The following RBFOX1 variants were observed in gnomAD, a reference collection of about 807,000 sequenced individuals.
RBFOX1 encodes RNA binding protein fox-1 homolog 1.
A neutral mutation model predicts 57.7 loss-of-function variants in RBFOX1; 8 were observed. That is an observed-to-expected ratio of 0.14 (90% CI 0.08 to 0.25). RBFOX1 has a LOEUF of 0.25. Among genes scored for constraint, RBFOX1 ranks in the 10% least tolerant of loss-of-function variants. The probability of loss-of-function intolerance (pLI) is 1.00; values close to 1 mark genes in which losing one functional copy is unlikely to be tolerated. For synonymous variants in RBFOX1, 326 were observed against 222.4 expected, an observed-to-expected ratio of 1.47 and a Z score of -4.15; for missense variants, 611 against 548.5, an observed-to-expected ratio of 1.11 and a Z score of -1.14.
chr16:7,564,540 CAAAAAAAAA>C (rs5815409), intron 5 of RBFOX1, among the ~76,000 whole-genome samples: 98 of 82,506 alleles, frequency 1.2e-3, no homozygotes, highest in African/African-American at 3.4e-3. Flanking sequence ...GACTCCATCT[CAAAAAAAAA>C]AAAAAAAAAA....
At chr16:6,645,737 T>C (rs942154808) in intron 2 of RBFOX1, among the ~76,000 whole-genome samples, 1 of 152,196 alleles carries the variant, frequency 6.6e-6, no homozygotes, top group Non-Finnish European at 1.5e-5. Context: ...TGTTGGAAGA[T>C]GTCATCAAGG....
chr16:6,957,116 T>TTTTTTTTATTTATTTATTTATTTA lies in RBFOX1; in HGVS notation c.-15-94938_-15-94937insTTTTATTTATTTATTTATTTATTT, dbSNP rs574831673. On this transcript the variant is annotated intron_variant, in intron 3 of 15. Transcript: ENST00000550418. Reference sequence around the variant, plus strand: ...ATTTATTTTATTTTTTTATTTTTATTTTTATTTATTTATTTATTTATTTAT... The same window carrying TTTTTTTTATTTATTTATTTATTTA: ...ATTTATTTTATTTTTTTATTTTTATTTTTTTTTATTTATTTATTTATTTATTTATTTATTTATTTATTTATTTAT... Among the ~76,000 whole-genome samples the TTTTTTTTATTTATTTATTTATTTA allele has an allele frequency of 2.3e-4, 32 of 139,240 alleles. 1 individual carries two copies. The highest frequency in any genetic ancestry group is 2.3e-4 in the Non-Finnish European group (15 of 65,432). The allele number at this position is 139,240 out of a possible 152,430, so 91.3% of individuals were successfully genotyped here. A position where few individuals can be genotyped will look rare whatever the true frequency, so the allele number is the denominator to read the frequency against.
intron 6 of RBFOX1, among the ~76,000 whole-genome samples, chr16:7,586,199 C>T (rs2152886295): frequency 6.6e-6 from 1 of 152,276 alleles, no homozygotes; most frequent in South Asian, 2.1e-4. Context: ...GGCCACAGTA[C>T]ATGATTTTAC....
At chr16:6,042,450 T>C (rs979304665) in intron 1 of RBFOX1, among the ~76,000 whole-genome samples, 2 of 152,148 alleles carry the variant, frequency 1.3e-5, no homozygotes, top group African/African-American at 4.8e-5. Flanking sequence ...CCTATCCAGA[T>C]AGTTCGGAAT....
chr16:5,672,032 C>A, intron 3 of RBFOX1, among the ~76,000 whole-genome samples: 1 of 152,062 alleles, frequency 6.6e-6, no homozygotes, highest in East Asian at 1.9e-4. Flanking sequence ...AGATTTGCAT[C>A]TTTGAGAATT....
In RBFOX1 at chr16:7,173,646, A is replaced by G. The variant is rs181868317; in HGVS notation, c.27+121548A>G. Among the ~76,000 whole-genome samples the G allele has an allele frequency of 7.1e-4, 108 of 152,280 alleles. 1 individual carries two copies. The highest frequency in any genetic ancestry group is 2.3e-3 in the African/African-American group (94 of 41,578). Reference sequence around the variant, plus strand: ...GGGAAAGAGCAGTAAAGATATTAGGAGGTGGTAATTAAGACTGAGAATGGC... The same window carrying G: ...GGGAAAGAGCAGTAAAGATATTAGGGGGTGGTAATTAAGACTGAGAATGGC... On this transcript the variant is annotated intron_variant, in intron 4 of 15. Coordinates refer to ENST00000550418, the MANE Select transcript of RBFOX1 (RefSeq NM_018723.4).
intron 4 of RBFOX1, among the ~76,000 whole-genome samples, chr16:5,977,591 T>G (rs1010623697): frequency 6.6e-6 from 1 of 152,086 alleles, no homozygotes; most frequent in Non-Finnish European, 1.5e-5. Context: ...GCCTCCAGCT[T>G]CTGGGAACAA....
chr16:7,664,236 AAC>A (rs139304379), intron 12 of RBFOX1, among the ~76,000 whole-genome samples: 164 of 152,340 alleles, frequency 1.1e-3, no homozygotes, highest in Non-Finnish European at 1.9e-3. Flanking sequence ...TGTCCATATT[AAC>A]ACACACAAAT....
intron 3 of RBFOX1, among the ~76,000 whole-genome samples, chr16:5,691,085 T>TCTGAAGAGG (rs1279015589): frequency 6.6e-6 from 1 of 152,238 alleles, no homozygotes; most frequent in African/African-American, 2.4e-5. Context: ...ACTGTGGCTC[T>TCTGAAGAGG]CTGAAGAGGC....
intron 3 of RBFOX1, among the ~76,000 whole-genome samples, chr16:5,644,089 G>A (rs2048969585): frequency 1.3e-5 from 2 of 152,212 alleles, no homozygotes; most frequent in South Asian, 4.1e-4. Context: ...TTTCAGAGCA[G>A]AATGAGCCCA....
At chr16:6,582,386 C>T (rs62015507) in intron 2 of RBFOX1, among the ~76,000 whole-genome samples, 6,989 of 151,736 alleles carry the variant, frequency 0.046, 238 homozygotes, top group Non-Finnish European at 0.066. Flanking sequence ...ATGATGCTGA[C>T]ATAATGTTGC....
intron 1 of RBFOX1, among the ~76,000 whole-genome samples, chr16:6,202,637 A>G (rs2097222326): frequency 6.6e-6 from 1 of 152,190 alleles, no homozygotes; most frequent in African/African-American, 2.4e-5. Flanking sequence ...AAAGCTGTAG[A>G]TGTTTAACGT....
intron 1 of RBFOX1, among the ~76,000 whole-genome samples, chr16:6,296,566 G>A (rs1019221512): frequency 5.3e-5 from 8 of 151,946 alleles, no homozygotes; most frequent in African/African-American, 1.5e-4. Flanking sequence ...GACTACAGGC[G>A]TCCACCACCA....
At chr16:6,921,643 A>T (rs2345822) in intron 3 of RBFOX1, among the ~76,000 whole-genome samples, 8,431 of 34,292 alleles carry the variant, frequency 0.25, 348 homozygotes, top group East Asian at 0.46. Context: ...ATATATATAT[A>T]TATTTTTTTT....
intron 3 of RBFOX1, among the ~76,000 whole-genome samples, chr16:5,640,712 CGTACACT>C (rs2048836190): frequency 6.6e-6 from 1 of 151,118 alleles, no homozygotes; most frequent in Non-Finnish European, 1.5e-5. Flanking sequence ...TATGCACACA[CGTACACT>C]ATGCATAGAA....
chr16:6,873,140 A>C (rs1170180427), intron 3 of RBFOX1, among the ~76,000 whole-genome samples: 2 of 152,232 alleles, frequency 1.3e-5, no homozygotes, highest in East Asian at 1.9e-4. Flanking sequence ...GGAAAAAAAA[A>C]AAAAAGCTCT....
chr16:5,854,105 C>T (rs1388348509), intron 3 of RBFOX1, among the ~76,000 whole-genome samples: 2 of 152,156 alleles, frequency 1.3e-5, no homozygotes, highest in African/African-American at 4.8e-5. Context: ...TTTTGATATG[C>T]ACATGTATTG....
intron 2 of RBFOX1, among the ~76,000 whole-genome samples, chr16:6,519,054 T>C (rs1357046547): frequency 6.6e-6 from 1 of 150,752 alleles, no homozygotes; most frequent in East Asian, 2.0e-4. Context: ...AACTACTTTC[T>C]CCCTTCTCGG....
At chr16:5,847,054 C>G (rs529147292) in intron 3 of RBFOX1, among the ~76,000 whole-genome samples, 2 of 152,206 alleles carry the variant, frequency 1.3e-5, no homozygotes, top group African/African-American at 4.8e-5. Flanking sequence ...GGTGTTGAAC[C>G]CACTAGCTCT....
Sources: allele counts gnomAD v4.1 joint callset (sites outside exome capture counted in the v4.1 genomes callset), GRCh38; gene constraint gnomAD v4.1.1; transcripts MANE v1.5; gene names NCBI Gene and HGNC (gene_info 2026-07-23, HGNC 2026-07-21).